Variants in CDK14 observed in about 807,000 individuals in gnomAD.
CDK14 encodes cyclin-dependent kinase 14.
A neutral mutation model predicts 60.7 loss-of-function variants in CDK14; 34 were observed. The ratio of observed to expected loss-of-function variants is 0.56; its 90% CI spans 0.43 to 0.75. The LOEUF (loss-of-function observed/expected upper bound fraction) is 0.75, where lower values mean the gene tolerates loss of function less well. Among genes scored for constraint, CDK14 ranks in the 30% least tolerant of loss-of-function variants. The pLI is 0.00. For missense variants in CDK14, 482 were observed against 564.1 expected, an observed-to-expected ratio of 0.85 and a Z score of 1.47; for synonymous variants, 197 against 203.7, an observed-to-expected ratio of 0.97 and a Z score of 0.28.
intron 6 of CDK14, among the ~76,000 whole-genome samples, chr7:90,880,226 A>C (rs990502687): frequency 6.6e-6 from 1 of 152,184 alleles, no homozygotes; most frequent in African/African-American, 2.4e-5. Context: ...TGTCATTTCT[A>C]TAGCTCCAGG....
chr7:91,042,402 A>G (rs1797116926), intron 10 of CDK14, among the ~76,000 whole-genome samples: 1 of 151,132 alleles, frequency 6.6e-6, no homozygotes, highest in African/African-American at 2.4e-5. Flanking sequence ...CTCTGACCTC[A>G]CTCTCCCATA....
chr7:90,803,894 G>A (rs1043409590), intron 5 of CDK14, among the ~76,000 whole-genome samples: 46 of 152,122 alleles, frequency 3.0e-4, no homozygotes, highest in African/African-American at 1.1e-3. Flanking sequence ...TTTGTGCAAA[G>A]TCATACAAAT....
chr7:90,941,884 G>A lies in CDK14; in HGVS notation c.827-13813G>A, dbSNP rs868860280. Among the ~76,000 whole-genome samples the A allele has an allele frequency of 4.6e-5, 7 of 152,266 alleles. No individual in the cohort carries two copies. In the South Asian group the frequency reaches 1.5e-3, roughly 32 times the overall value. ...AGTGCCTGTAATGTTGACCCTTAGG[G>A]CACATCCTGGCTCCTCCCTGGTGTC... On this transcript the variant is annotated intron_variant, in intron 8 of 14. Transcript: ENST00000380050.
intron 14 of CDK14, among the ~76,000 whole-genome samples, chr7:91,145,127 A>G (rs911312005): frequency 6.6e-6 from 1 of 152,208 alleles, no homozygotes; most frequent in Non-Finnish European, 1.5e-5. Context: ...GATTCCTAAG[A>G]AAAACACTAA....
At position 90,941,299 on chromosome 7, in the gene CDK14, A is replaced by AC. The variant is rs541248920; in HGVS notation, c.827-14398_827-14397insC. ...ATTCTATCACATGGACCTCCTCACCATACCTGTGACATGCCAGGCCCACCC... is the reference window on the plus strand; with the variant it reads ...ATTCTATCACATGGACCTCCTCACCACTACCTGTGACATGCCAGGCCCACCC... On this transcript the variant is annotated intron_variant, in intron 8 of 14. Coordinates refer to ENST00000380050, the MANE Select transcript of CDK14 (RefSeq NM_001287135.2). Among the ~76,000 whole-genome samples the AC allele has an allele frequency of 1.4e-3, 218 of 152,300 alleles. 1 individual carries two copies. The highest frequency in any genetic ancestry group is 4.9e-3 in the African/African-American group (204 of 41,558).
chr7:90,780,866 T>C (rs527511085), intron 4 of CDK14, among the ~76,000 whole-genome samples: 2 of 152,136 alleles, frequency 1.3e-5, no homozygotes, highest in Non-Finnish European at 1.5e-5. Flanking sequence ...TAAACATACG[T>C]GTGCATGTGT....
At chr7:91,024,419 A>G (rs1796515648) in intron 10 of CDK14, among the ~76,000 whole-genome samples, 1 of 152,276 alleles carries the variant, frequency 6.6e-6, no homozygotes, top group South Asian at 2.1e-4. Context: ...TTGGAAGGCT[A>G]AGGCAGGCAT....
At chr7:91,049,102 C>T (rs915124524) in intron 11 of CDK14, among the ~76,000 whole-genome samples, 2 of 151,652 alleles carry the variant, frequency 1.3e-5, no homozygotes, top group Non-Finnish European at 2.9e-5. Flanking sequence ...GGGATGGTCT[C>T]GAACTCTGGG....
chr7:91,088,971 C>T (rs705350), intron 12 of CDK14, among the ~76,000 whole-genome samples: 62,334 of 151,956 alleles, frequency 0.41, 13,867 homozygotes, highest in East Asian at 0.81. Flanking sequence ...GTTTATGGCA[C>T]AACTATTGCA....
chr7:91,179,701 G>A (rs1584179187), intron 14 of CDK14, among the ~76,000 whole-genome samples: 1 of 151,998 alleles, frequency 6.6e-6, no homozygotes, highest in Non-Finnish European at 1.5e-5. Context: ...TACTTGGGAG[G>A]CCAAGGCAGG....
At chr7:91,192,963 T>C (rs147529966) in intron 14 of CDK14, among the ~76,000 whole-genome samples, 1 of 152,202 alleles carries the variant, frequency 6.6e-6, no homozygotes, top group Non-Finnish European at 1.5e-5. Context: ...GGAAATATGA[T>C]GCATAGACTG....
chr7:90,647,739 C>T (rs1800501354), intron 2 of CDK14, among the ~76,000 whole-genome samples: 1 of 152,000 alleles, frequency 6.6e-6, no homozygotes, highest in African/African-American at 2.4e-5. Context: ...GCCTGTAATC[C>T]CAATTACTTG....
chr7:91,186,841 A>T (rs1313473377), intron 14 of CDK14, among the ~76,000 whole-genome samples: 1 of 152,196 alleles, frequency 6.6e-6, no homozygotes, highest in Non-Finnish European at 1.5e-5. Flanking sequence ...AAAATCTGTG[A>T]CAATTAAAAT....
At chr7:90,955,541 A>G (rs1406887677) in intron 8 of CDK14, among the ~76,000 whole-genome samples, 156 bp from the exon 9 acceptor site, 1 of 152,160 alleles carries the variant, frequency 6.6e-6, no homozygotes, top group Admixed American at 6.5e-5. Flanking sequence ...AGAAACCACA[A>G]TATGCTTTCC....
At chr7:91,182,833 C>T (rs894084358) in intron 14 of CDK14, among the ~76,000 whole-genome samples, 3 of 152,158 alleles carry the variant, frequency 2.0e-5, no homozygotes, top group Non-Finnish European at 2.9e-5. Flanking sequence ...AATTTTCCAA[C>T]GTGAGATTAT....
chr7:90,711,791 A>AT (rs1188043502), intron 2 of CDK14, among the ~76,000 whole-genome samples: 4 of 151,262 alleles, frequency 2.6e-5, no homozygotes, highest in African/African-American at 7.3e-5. Flanking sequence ...TTAAAAAAGC[A>AT]TTTTTTGGTT....
intron 5 of CDK14, among the ~76,000 whole-genome samples, chr7:90,792,681 G>A (rs1030972541): frequency 6.6e-6 from 1 of 151,542 alleles, no homozygotes; most frequent in Non-Finnish European, 1.5e-5. Context: ...GATACCATCA[G>A]TTCTTCCATG....
At chr7:90,702,870 C>T (rs1801817137) in intron 2 of CDK14, among the ~76,000 whole-genome samples, 1 of 152,098 alleles carries the variant, frequency 6.6e-6, no homozygotes, top group Non-Finnish European at 1.5e-5. Flanking sequence ...TTGGCAGGCT[C>T]TTTTAAGAGG....
intron 8 of CDK14, among the ~76,000 whole-genome samples, chr7:90,945,374 T>C (rs1221502836): frequency 1.3e-5 from 2 of 152,124 alleles, no homozygotes; most frequent in Admixed American, 1.3e-4. Context: ...GCAACACAAA[T>C]GGGGCAATTG....
Sources: gnomAD v4.1 joint callset for allele counts (sites outside exome capture counted in the v4.1 genomes callset) on GRCh38, gnomAD v4.1.1 for gene constraint, MANE v1.5 for transcripts, NCBI Gene and HGNC (gene_info 2026-07-23, HGNC 2026-07-21) for gene names.